Variants in ATP8B4 observed in about 807,000 individuals in gnomAD.
ATP8B4 encodes the protein probable phospholipid-transporting ATPase IM.
Under a neutral mutation model 145.6 loss-of-function variants are expected in ATP8B4, and 133 were observed. The observed-to-expected ratio is 0.91, with a 90% CI of 0.79 to 1.05. ATP8B4 has a LOEUF of 1.05. Ranked by LOEUF, ATP8B4 falls within the 50% of genes least tolerant of loss-of-function variation. The probability of loss-of-function intolerance (pLI) is 0.00; values close to 1 mark genes in which losing one functional copy is unlikely to be tolerated. For missense variants in ATP8B4, 1,458 were observed against 1,425.2 expected (o/e 1.02, Z -0.37); for synonymous variants, 507 against 492.9 (o/e 1.03, Z -0.38).
At chr15:49,945,100 C>T (rs984766116) in intron 14 of ATP8B4, among the ~76,000 whole-genome samples, 5 of 152,072 alleles carry the variant, frequency 3.3e-5, no homozygotes, top group South Asian at 2.1e-4. Context: ...AAAAGAAGAA[C>T]GATCTCAGAC....
At chr15:50,041,714 C>A (rs1318384717) in intron 5 of ATP8B4, among the ~76,000 whole-genome samples, 1 of 152,142 alleles carries the variant, frequency 6.6e-6, no homozygotes, top group Admixed American at 6.5e-5. Flanking sequence ...GAAGCCAAGG[C>A]AGGCAGATCA....
intron 25 of ATP8B4, among the ~76,000 whole-genome samples, chr15:49,869,090 T>C (rs1439724469): frequency 6.6e-6 from 1 of 152,110 alleles, no homozygotes; most frequent in Non-Finnish European, 1.5e-5. Context: ...TTTGTATTTT[T>C]AGTAGAGACA....
intron 3 of ATP8B4, among the ~76,000 whole-genome samples, chr15:50,053,679 C>T (rs2052361927): frequency 6.6e-6 from 1 of 152,088 alleles, no homozygotes; most frequent in Admixed American, 6.5e-5. Flanking sequence ...AGCACAGTGG[C>T]CAAAGTCCTT....
chr15:50,164,791 G>C (rs1466714958), intron 1 of ATP8B4, among the ~76,000 whole-genome samples: 2 of 152,262 alleles, frequency 1.3e-5, no homozygotes, highest in Non-Finnish European at 2.9e-5. Flanking sequence ...TGAGATGGGA[G>C]ATTCACCTCT....
chr15:49,963,390 G>A (rs1186993945), intron 13 of ATP8B4, among the ~76,000 whole-genome samples: 1 of 152,162 alleles, frequency 6.6e-6, no homozygotes, highest in East Asian at 1.9e-4. Context: ...AATAACATTA[G>A]ATCCAGCATT....
intron 1 of ATP8B4, among the ~76,000 whole-genome samples, chr15:50,137,155 T>C (rs1050743066): frequency 6.6e-6 from 1 of 152,210 alleles, no homozygotes; most frequent in Non-Finnish European, 1.5e-5. Context: ...TGATTTAACG[T>C]CAATCTTCCC....
intron 14 of ATP8B4, among the ~76,000 whole-genome samples, chr15:49,949,136 G>T (rs1455510603): frequency 6.6e-6 from 1 of 152,156 alleles, no homozygotes; most frequent in East Asian, 1.9e-4. Context: ...GCTTAGGATT[G>T]TCTTGGCTAT....
chr15:50,140,084 T>C (rs2044187014), intron 1 of ATP8B4, among the ~76,000 whole-genome samples: 1 of 152,106 alleles, frequency 6.6e-6, no homozygotes, highest in Non-Finnish European at 1.5e-5. Flanking sequence ...ACTATTTGGG[T>C]GACAGGTGCA....
rs559612508 is a variant in ATP8B4 at position 49,925,851 on chromosome 15, C to CAA, written c.1643-2359_1643-2358dup. On this transcript the variant is annotated intron_variant, in intron 16 of 27. Coordinates refer to ENST00000284509, the MANE Select transcript of ATP8B4 (RefSeq NM_024837.4). ...TCCAAGCCTTCTGGTCGTTTCTGTT[C>CAA]AAAGTTAATAAAATCTAAGTCATTT... Among the ~76,000 whole-genome samples the CAA allele has an allele frequency of 8.7e-4, 133 of 152,100 alleles. 1 individual carries two copies. The highest frequency in any genetic ancestry group is 3.1e-3 in the African/African-American group (127 of 41,530).
At chr15:50,151,216 C>T (rs2044342798) in intron 1 of ATP8B4, among the ~76,000 whole-genome samples, 1 of 152,180 alleles carries the variant, frequency 6.6e-6, no homozygotes, top group Non-Finnish European at 1.5e-5. Flanking sequence ...ATCACAGGAA[C>T]TCAAAAACAA....
At chr15:50,013,553 G>T (rs1362662353) in intron 6 of ATP8B4, among the ~76,000 whole-genome samples, 5 of 151,944 alleles carry the variant, frequency 3.3e-5, no homozygotes, top group African/African-American at 9.7e-5. Context: ...ATGCTTCTTA[G>T]AATCCGTTTT....
chr15:49,954,078 T>C (rs2043338839), intron 14 of ATP8B4, among the ~76,000 whole-genome samples: 1 of 152,184 alleles, frequency 6.6e-6, no homozygotes, highest in South Asian at 2.1e-4. Flanking sequence ...TTATGGCTTT[T>C]TTTATGGGAG....
At chr15:50,163,773 C>G (rs111258322) in intron 1 of ATP8B4, among the ~76,000 whole-genome samples, 3 of 152,344 alleles carry the variant, frequency 2.0e-5, no homozygotes, top group African/African-American at 7.2e-5. Flanking sequence ...GAACCAGGAC[C>G]TAAAGTCAGG....
intron 1 of ATP8B4, among the ~76,000 whole-genome samples, chr15:50,134,788 C>A (rs902374189): frequency 3.9e-5 from 6 of 152,204 alleles, no homozygotes; most frequent in Non-Finnish European, 7.3e-5. Flanking sequence ...ATGTCACATT[C>A]TTTGCCCTAA....
intron 21 of ATP8B4, among the ~76,000 whole-genome samples, chr15:49,899,208 C>T (rs957736496): frequency 6.6e-6 from 1 of 152,068 alleles, no homozygotes; most frequent in African/African-American, 2.4e-5. Flanking sequence ...TGCCTTTGTA[C>T]TTGCCATTAC....
At chr15:49,902,680 T>C (rs999649274) in intron 20 of ATP8B4, among the ~76,000 whole-genome samples, 1 of 152,184 alleles carries the variant, frequency 6.6e-6, no homozygotes, top group African/African-American at 2.4e-5. Context: ...AAATCATTGT[T>C]GTAAGTGAGA....
intron 10 of ATP8B4, among the ~76,000 whole-genome samples, chr15:49,984,961 T>A (rs1413095380): frequency 6.6e-6 from 1 of 152,240 alleles, no homozygotes; most frequent in East Asian, 1.9e-4. Flanking sequence ...AGCCTAGCTG[T>A]TAATATATAT....
At chr15:49,917,061 T>C (rs16963067) in intron 19 of ATP8B4, 22 bp from the exon 20 acceptor site, 262,837 of 1,606,320 alleles carry the variant, frequency 0.16, 26,435 homozygotes, top group African/African-American at 0.48. Flanking sequence ...TAAAGCCCAA[T>C]TCAGTTAAAA....
chr15:50,145,057 T>C (rs1373353911), intron 1 of ATP8B4, among the ~76,000 whole-genome samples: 2 of 152,230 alleles, frequency 1.3e-5, no homozygotes, highest in African/African-American at 4.8e-5. Context: ...ACCAGGGGTA[T>C]GGTATTACCT....
Sources: gnomAD v4.1 joint callset for allele counts (sites outside exome capture counted in the v4.1 genomes callset) on GRCh38, gnomAD v4.1.1 for gene constraint, MANE v1.5 for transcripts, NCBI Gene and HGNC (gene_info 2026-07-23, HGNC 2026-07-21) for gene names.